Variants in KCNIP4 observed in about 807,000 individuals in gnomAD.
The protein encoded by KCNIP4 is Kv channel-interacting protein 4.
A neutral mutation model predicts 34.0 loss-of-function variants in KCNIP4; 12 were observed. That is an observed-to-expected ratio of 0.35 (90% confidence interval 0.23 to 0.57). The LOEUF is 0.57. Among genes scored for constraint, KCNIP4 ranks in the 20% least tolerant of loss-of-function variants. The pLI is 0.83. For synonymous variants in KCNIP4, 124 were observed against 102.2 expected, an observed-to-expected ratio of 1.21 and a Z score of -1.29; for missense variants, 238 against 311.7, an observed-to-expected ratio of 0.76 and a Z score of 1.78.
intron 1 of KCNIP4, among the ~76,000 whole-genome samples, chr4:21,213,680 C>T (rs896489702): frequency 1.3e-5 from 2 of 152,272 alleles, no homozygotes; most frequent in East Asian, 1.9e-4. Flanking sequence ...TTTGGGATTA[C>T]AGGCATAAAC....
At chr4:20,857,185 A>G (rs564437716) in intron 2 of KCNIP4, among the ~76,000 whole-genome samples, 41 of 152,300 alleles carry the variant, frequency 2.7e-4, no homozygotes, top group African/African-American at 9.4e-4. Flanking sequence ...CTCTAAAAAC[A>G]TAACTGAAAT....
At chr4:21,319,834 A>G (rs887262968) in intron 1 of KCNIP4, among the ~76,000 whole-genome samples, 2 of 152,162 alleles carry the variant, frequency 1.3e-5, no homozygotes, top group African/African-American at 2.4e-5. Context: ...TGTCCCACTA[A>G]TGGATAGCAA....
intron 1 of KCNIP4, among the ~76,000 whole-genome samples, chr4:21,936,456 C>T (rs1233312068): frequency 6.6e-6 from 1 of 152,098 alleles, no homozygotes; most frequent in Non-Finnish European, 1.5e-5. Context: ...ATAAATTACC[C>T]AGTCTCAGAC....
chr4:21,177,951 A>G (rs1157010028), intron 1 of KCNIP4, among the ~76,000 whole-genome samples: 6 of 151,756 alleles, frequency 4.0e-5, no homozygotes, highest in Non-Finnish European at 7.4e-5. Context: ...ACAGGTTATT[A>G]TACTTTTCCA....
At chr4:21,344,648 C>T (rs181074812) in intron 1 of KCNIP4, among the ~76,000 whole-genome samples, 179 of 152,150 alleles carry the variant, frequency 1.2e-3, no homozygotes, top group South Asian at 6.6e-3. Flanking sequence ...TGGCATATTC[C>T]CAGGTACTTT....
At chr4:20,852,881 G>T (rs895048912) in intron 2 of KCNIP4, among the ~76,000 whole-genome samples, 3 of 151,996 alleles carry the variant, frequency 2.0e-5, no homozygotes, top group Admixed American at 6.6e-5. Context: ...TACAATAGCT[G>T]CAAAAATATA....
At chr4:21,455,839 A>ACAAAAT in intron 1 of KCNIP4, among the ~76,000 whole-genome samples, 3 of 125,152 alleles carry the variant, frequency 2.4e-5, no homozygotes, top group African/African-American at 1.1e-4. Context: ...ATATATATAT[A>ACAAAAT]TATATATATA....
intron 1 of KCNIP4, among the ~76,000 whole-genome samples, chr4:20,983,475 T>C (rs1736285777): frequency 6.6e-6 from 1 of 152,156 alleles, no homozygotes; most frequent in Non-Finnish European, 1.5e-5. Context: ...GACATTAAGG[T>C]GTGGTAACCA....
intron 5 of KCNIP4, among the ~76,000 whole-genome samples, chr4:20,745,279 G>A (rs1243993848): frequency 2.0e-5 from 3 of 151,984 alleles, no homozygotes; most frequent in African/African-American, 7.3e-5. Context: ...TGATTCACAT[G>A]GTGACATCTA....
intron 1 of KCNIP4, among the ~76,000 whole-genome samples, chr4:20,956,858 A>G (rs2149651784): frequency 6.6e-6 from 1 of 152,310 alleles, no homozygotes; most frequent in Admixed American, 6.5e-5. Context: ...ATATGGTGAA[A>G]AGAACATGTA....
At chr4:21,452,751 C>T (rs1337887698) in intron 1 of KCNIP4, among the ~76,000 whole-genome samples, 1 of 150,196 alleles carries the variant, frequency 6.7e-6, no homozygotes, top group Non-Finnish European at 1.5e-5. Context: ...GGGAAGAAAG[C>T]CACATTGTCT....
intron 3 of KCNIP4, among the ~76,000 whole-genome samples, chr4:20,789,207 T>C (rs1712407708): frequency 6.6e-6 from 1 of 152,182 alleles, no homozygotes; most frequent in Non-Finnish European, 1.5e-5. Flanking sequence ...GCTAAAACCC[T>C]ACCACACTAG....
chr4:21,175,833 A>G (rs927543727), intron 1 of KCNIP4, among the ~76,000 whole-genome samples: 3 of 152,210 alleles, frequency 2.0e-5, no homozygotes, highest in Non-Finnish European at 2.9e-5. Context: ...TTTAGATGGC[A>G]GCTGACCACA....
At chr4:21,019,323 T>G (rs1475634045) in intron 1 of KCNIP4, among the ~76,000 whole-genome samples, 1 of 151,968 alleles carries the variant, frequency 6.6e-6, no homozygotes, top group Non-Finnish European at 1.5e-5. Context: ...GTCCGGCTAA[T>G]TTTTTTGTAT....
intron 1 of KCNIP4, among the ~76,000 whole-genome samples, chr4:20,907,482 A>G (rs1401325813): frequency 6.6e-6 from 1 of 152,244 alleles, no homozygotes; most frequent in Non-Finnish European, 1.5e-5. Context: ...AATAATAAAT[A>G]TCAAAACATA....
At chr4:21,209,498 T>C (rs1757083193) in intron 1 of KCNIP4, among the ~76,000 whole-genome samples, 1 of 152,142 alleles carries the variant, frequency 6.6e-6, no homozygotes, top group Non-Finnish European at 1.5e-5. Context: ...AATGAGAACT[T>C]TCTGTTCCTG....
intron 1 of KCNIP4, among the ~76,000 whole-genome samples, chr4:21,519,797 A>G (rs1177164141): frequency 1.5e-5 from 2 of 130,282 alleles, no homozygotes; most frequent in Non-Finnish European, 3.3e-5. Context: ...GTGTGTGTAT[A>G]CACGTGTGTG....
intron 1 of KCNIP4, among the ~76,000 whole-genome samples, chr4:21,364,078 C>T (rs1195062582): frequency 1.3e-5 from 2 of 152,066 alleles, no homozygotes; most frequent in African/African-American, 2.4e-5. Flanking sequence ...TTATCTCTGC[C>T]TTGATGATCC....
At chr4:21,388,242 C>CAT (rs1212438078) in intron 1 of KCNIP4, among the ~76,000 whole-genome samples, 4 of 149,958 alleles carry the variant, frequency 2.7e-5, no homozygotes, top group African/African-American at 9.8e-5. Flanking sequence ...TTATATTTTA[C>CAT]ATATATATGT....
Sources: gnomAD v4.1 joint callset for allele counts (sites outside exome capture counted in the v4.1 genomes callset) on GRCh38, gnomAD v4.1.1 for gene constraint, MANE v1.5 for transcripts, NCBI Gene and HGNC (gene_info 2026-07-23, HGNC 2026-07-21) for gene names.